The following NCAM2 variants were observed in gnomAD, a reference collection of about 807,000 sequenced individuals.
NCAM2 encodes the protein N-CAM-2.
NCAM2 carries 30 observed loss-of-function variants against 98.1 expected under a neutral mutation model. The ratio of observed to expected loss-of-function variants is 0.31; its 90% CI spans 0.23 to 0.41. The LOEUF (loss-of-function observed/expected upper bound fraction) is 0.41, where lower values mean the gene tolerates loss of function less well. NCAM2 is among the 10% of genes least tolerant of loss of function. The pLI is 1.00. For synonymous variants in NCAM2, 368 were observed against 342.4 expected, an observed-to-expected ratio of 1.07 and a Z score of -0.83; for missense variants, 867 against 1,005.8, an observed-to-expected ratio of 0.86 and a Z score of 1.87.
chr21:21,273,264 T>C (rs867800445), intron 1 of NCAM2, among the ~76,000 whole-genome samples: 25 of 152,172 alleles, frequency 1.6e-4, no homozygotes, highest in African/African-American at 6.0e-4. Flanking sequence ...AAGTAGTTAT[T>C]GTGGGTATGC....
At chr21:21,097,319 C>G (rs765923086) in intron 1 of NCAM2, among the ~76,000 whole-genome samples, 2 of 151,568 alleles carry the variant, frequency 1.3e-5, no homozygotes, top group Admixed American at 1.3e-4. Flanking sequence ...CCAGTATAGT[C>G]AATATACCAT....
In NCAM2 at chr21:21,522,632, C is replaced by CTTTTTTTTTTT. The variant is rs61635255; in HGVS notation, c.2283-11899_2283-11889dup. ...AAGTTCTTTTTTTCTTTTTCTTTTT[C>CTTTTTTTTTTT]TTTTTTTTTTTTTTTTGAGACAGAG... On this transcript the variant is annotated intron_variant, in intron 16 of 17. Transcript: ENST00000400546. Among the ~76,000 whole-genome samples the CTTTTTTTTTTT allele has an allele frequency of 2.2e-4, 28 of 124,738 alleles. 2 individuals carry two copies. Among genetic ancestry groups the CTTTTTTTTTTT allele is most frequent in the South Asian group, 1.0e-3 (4 of 3,936 alleles). 81.8% of individuals were successfully genotyped at this position (124,738 alleles called of 152,430 possible). A position where few individuals can be genotyped will look rare whatever the true frequency, so the allele number is the denominator to read the frequency against.
rs201933485 is a variant in NCAM2 at position 21,016,681 on chromosome 21, C to CA, written c.55+18072dup. ...AACAGGCTATGTTCTGGGCACTTTCCAAAAAAAAAGCTGTTATGCTTGAGC... is the reference window on the plus strand; with the variant it reads ...AACAGGCTATGTTCTGGGCACTTTCCAAAAAAAAAAGCTGTTATGCTTGAGC... On this transcript the variant is annotated intron_variant, in intron 1 of 17. Coordinates refer to ENST00000400546, the MANE Select transcript of NCAM2 (RefSeq NM_004540.5). Among the ~76,000 whole-genome samples the CA allele has an allele frequency of 1.8e-3, 273 of 149,646 alleles. 2 individuals carry two copies. The highest frequency in any genetic ancestry group is 6.3e-3 in the African/African-American group (258 of 40,864).
chr21:21,231,152 G>C (rs1407982177), intron 1 of NCAM2, among the ~76,000 whole-genome samples: 6 of 151,426 alleles, frequency 4.0e-5, no homozygotes, highest in East Asian at 1.9e-4. Flanking sequence ...AAAGTACAAT[G>C]CCAAAAGTAC....
At chr21:21,018,785 G>C (rs1406859911) in intron 1 of NCAM2, among the ~76,000 whole-genome samples, 1 of 152,194 alleles carries the variant, frequency 6.6e-6, no homozygotes, top group African/African-American at 2.4e-5. Context: ...GTTCAAATTA[G>C]AGAGTTTGTA....
intron 1 of NCAM2, among the ~76,000 whole-genome samples, chr21:21,174,844 A>C (rs905613131): frequency 2.0e-5 from 3 of 152,128 alleles, no homozygotes; most frequent in African/African-American, 4.8e-5. Context: ...AACTGAGAGG[A>C]TATGTTTTGA....
chr21:21,459,718 A>G (rs1569086546), intron 12 of NCAM2, among the ~76,000 whole-genome samples: 1 of 151,660 alleles, frequency 6.6e-6, no homozygotes, highest in Non-Finnish European at 1.5e-5. Flanking sequence ...GGTGGTTGCC[A>G]GGAGTGAGAG....
At chr21:21,224,859 A>G (rs528148697) in intron 1 of NCAM2, among the ~76,000 whole-genome samples, 1 of 152,316 alleles carries the variant, frequency 6.6e-6, no homozygotes, top group Non-Finnish European at 1.5e-5. Flanking sequence ...TACCTTAAAA[A>G]TTATCAACTA....
intron 1 of NCAM2, among the ~76,000 whole-genome samples, chr21:21,157,573 G>A (rs1030537460): frequency 2.6e-5 from 4 of 151,952 alleles, no homozygotes; most frequent in Non-Finnish European, 2.9e-5. Context: ...TAAATGAAGG[G>A]GAGGAATTAA....
Position 21,537,819 on chromosome 21 carries a change from TGAA to T in NCAM2, c.2403-25_2403-23del, listed in dbSNP as rs779971730. 142 of 1,241,402 alleles carry T rather than the reference TGAA, an allele frequency of 1.1e-4. No individual in the cohort carries two copies. The African/African-American group carries it at 2.1e-3, about 18-fold the overall frequency. The allele number at this position is 1,241,402 out of a possible 1,614,324, so 76.9% of individuals were successfully genotyped here. A position where few individuals can be genotyped will look rare whatever the true frequency, so the allele number is the denominator to read the frequency against. On this transcript the variant is annotated intron_variant, in intron 17 of 17. Coordinates refer to ENST00000400546, the MANE Select transcript of NCAM2 (RefSeq NM_004540.5). The stretch of plus-strand genomic sequence containing the variant: ...ACGTCTCCTTAAATACCTCAGAAAA[TGAA>T]GCTTATTATTTTTTATCTTCCAGAA...
At position 21,543,124 on chromosome 21, in the gene NCAM2, T is replaced by C. The variant is rs1452618443; in HGVS notation, c.*5167T>C. Reference sequence around the variant, plus strand: ...ATATTCCATTCAAATTCTATATTCTTAAGTTAGCTACCACAACGTTTTCTT... The same window carrying C: ...ATATTCCATTCAAATTCTATATTCTCAAGTTAGCTACCACAACGTTTTCTT... On this transcript the variant is annotated 3_prime_UTR_variant, in exon 18 of 18. Coordinates refer to ENST00000400546, the MANE Select transcript of NCAM2 (RefSeq NM_004540.5). The C allele has an allele frequency of 6.6e-6, 1 of 151,908 alleles. No individual in the cohort carries two copies. The highest frequency in any genetic ancestry group is 1.5e-5 in the Non-Finnish European group (1 of 67,868). The allele number at this position is 151,908 out of a possible 1,614,324, so 9.4% of individuals were successfully genotyped here. A position where few individuals can be genotyped will look rare whatever the true frequency, so the allele number is the denominator to read the frequency against.
intron 9 of NCAM2, among the ~76,000 whole-genome samples, chr21:21,382,640 T>C (rs71321789): frequency 0.23 from 35,179 of 151,740 alleles, 4,314 homozygotes; most frequent in East Asian, 0.28. Context: ...CCCAACCTTC[T>C]GAGTAGCTGG....
intron 1 of NCAM2, among the ~76,000 whole-genome samples, chr21:20,999,413 C>T (rs1201637611): frequency 6.6e-6 from 1 of 151,726 alleles, no homozygotes; most frequent in Non-Finnish European, 1.5e-5. Context: ...GAAGCTATCA[C>T]TGTTTGTCTC....
intron 3 of NCAM2, 74 bp from the exon 4 acceptor site, chr21:21,286,195 A>T: frequency 6.9e-7 from 1 of 1,439,350 alleles, no homozygotes; most frequent in Non-Finnish European, 9.4e-7. Context: ...AGTCTGGATT[A>T]TGTTATTGGG....
intron 4 of NCAM2, among the ~76,000 whole-genome samples, chr21:21,290,327 T>C (rs1005473259): frequency 3.3e-4 from 50 of 152,046 alleles, no homozygotes; most frequent in African/African-American, 1.2e-3. Flanking sequence ...TTATTTATAA[T>C]TGCCTCTCAT....
At chr21:21,280,303 TTGTC>T (rs1365177579) in intron 1 of NCAM2, among the ~76,000 whole-genome samples, 5 of 152,176 alleles carry the variant, frequency 3.3e-5, no homozygotes, top group East Asian at 1.9e-4. Context: ...AAGGAACAGA[TTGTC>T]TGAGTGTGAA....
chr21:21,262,224 C>T (rs1378274823), intron 1 of NCAM2, among the ~76,000 whole-genome samples: 2 of 152,024 alleles, frequency 1.3e-5, no homozygotes, highest in Non-Finnish European at 2.9e-5. Context: ...AATAATCCAC[C>T]AACCACAGGA....
At chr21:21,211,249 A>C (rs941027124) in intron 1 of NCAM2, among the ~76,000 whole-genome samples, 4 of 152,204 alleles carry the variant, frequency 2.6e-5, no homozygotes, top group African/African-American at 9.7e-5. Flanking sequence ...CTTCTTGCTT[A>C]TCAGAAGCAT....
At chr21:21,331,157 T>A (rs961853767) in intron 6 of NCAM2, among the ~76,000 whole-genome samples, 11 of 152,020 alleles carry the variant, frequency 7.2e-5, no homozygotes, top group African/African-American at 2.4e-4. Flanking sequence ...GTTTTATTTA[T>A]TTTTTGGAGA....
Sources: gnomAD v4.1 joint callset for allele counts (sites outside exome capture counted in the v4.1 genomes callset) on GRCh38, gnomAD v4.1.1 for gene constraint, MANE v1.5 for transcripts, NCBI Gene and HGNC (gene_info 2026-07-23, HGNC 2026-07-21) for gene names.